The following FNBP1 variants were observed in gnomAD, a reference collection of about 807,000 sequenced individuals.
FNBP1 encodes the protein formin binding protein 1.
In FNBP1, 26 loss-of-function variants were observed where a neutral mutation model predicts 90.6. The ratio of observed to expected loss-of-function variants is 0.29; its 90% confidence interval spans 0.21 to 0.40. The LOEUF is 0.40. Ranked by LOEUF, FNBP1 falls within the 10% of genes least tolerant of loss-of-function variation. The probability of loss-of-function intolerance (pLI) is 1.00; values close to 1 mark genes in which losing one functional copy is unlikely to be tolerated. For missense variants in FNBP1, 635 were observed against 768.0 expected (o/e 0.83, Z 2.05); for synonymous variants, 260 against 265.2 (o/e 0.98, Z 0.19).
At chr9:130,008,236 C>A (rs935815711) in intron 1 of FNBP1, among the ~76,000 whole-genome samples, 2 of 151,696 alleles carry the variant, frequency 1.3e-5, no homozygotes, top group Admixed American at 6.6e-5. Flanking sequence ...GTGGGTCCCA[C>A]TACTTGGGAG....
At chr9:129,976,157 T>A (rs1416151673) in intron 4 of FNBP1, among the ~76,000 whole-genome samples, 1 of 152,168 alleles carries the variant, frequency 6.6e-6, no homozygotes, top group African/African-American at 2.4e-5. Flanking sequence ...GAAACTGTCA[T>A]CTAATTTAGG....
At chr9:129,986,716 G>C (rs1357892155) in intron 2 of FNBP1, among the ~76,000 whole-genome samples, 3 of 152,020 alleles carry the variant, frequency 2.0e-5, no homozygotes, top group Admixed American at 6.6e-5. Flanking sequence ...CTTGAACCTG[G>C]GAGGTGGAGC....
chr9:129,984,716 G>A (rs892501244), intron 2 of FNBP1, among the ~76,000 whole-genome samples: 1 of 151,896 alleles, frequency 6.6e-6, no homozygotes, highest in Admixed American at 6.6e-5. Context: ...GGACCCAGGG[G>A]GAAGTAATTG....
intron 11 of FNBP1, among the ~76,000 whole-genome samples, chr9:129,915,520 C>T (rs369121004): frequency 3.3e-5 from 5 of 152,050 alleles, no homozygotes; most frequent in African/African-American, 1.2e-4. Context: ...CACGCTGCCA[C>T]GCCCGGCTAA....
intron 4 of FNBP1, among the ~76,000 whole-genome samples, chr9:129,970,847 A>AG (rs2049337169): frequency 6.6e-6 from 1 of 152,112 alleles, no homozygotes; most frequent in Non-Finnish European, 1.5e-5. Context: ...AAGTTCTTGC[A>AG]GGGGAGAAAG....
At chr9:130,011,997 T>C (rs1434455410) in intron 1 of FNBP1, among the ~76,000 whole-genome samples, 1 of 152,198 alleles carries the variant, frequency 6.6e-6, no homozygotes, top group Non-Finnish European at 1.5e-5. Context: ...CACCAGATAC[T>C]GACTTATTCT....
At chr9:130,011,850 T>C (rs2056649798) in intron 1 of FNBP1, among the ~76,000 whole-genome samples, 2 of 152,208 alleles carry the variant, frequency 1.3e-5, no homozygotes, top group African/African-American at 4.8e-5. Flanking sequence ...CCCTAGATTA[T>C]CTACAGATTC....
chr9:130,051,228 T>G, the FNBP1 span, among the ~76,000 whole-genome samples: 5 of 151,812 alleles, frequency 3.3e-5, no homozygotes, highest in Non-Finnish European at 5.9e-5. Flanking sequence ...GTAGAGAAGG[T>G]GTTTCACCAT....
At chr9:129,941,060 G>A (rs1332479380) in intron 6 of FNBP1, among the ~76,000 whole-genome samples, 1 of 152,116 alleles carries the variant, frequency 6.6e-6, no homozygotes, top group Non-Finnish European at 1.5e-5. Context: ...ACAACTACAG[G>A]AGAAAGCAAA....
At chr9:129,923,111 C>T (rs1036219261) in intron 10 of FNBP1, among the ~76,000 whole-genome samples, 5 of 152,038 alleles carry the variant, frequency 3.3e-5, no homozygotes, top group African/African-American at 1.2e-4. Context: ...AATCCTCCTG[C>T]CTTGGCCTCC....
chr9:129,895,569 T>C, intron 16 of FNBP1: 1 of 1,233,886 alleles, frequency 8.1e-7, no homozygotes, highest in East Asian at 3.2e-5. Context: ...GTTTATCAGA[T>C]TTTGAATGAC....
At chr9:129,970,417 G>A (rs1008370859) in intron 4 of FNBP1, among the ~76,000 whole-genome samples, 8 of 151,762 alleles carry the variant, frequency 5.3e-5, no homozygotes, top group African/African-American at 1.9e-4. Flanking sequence ...TGTTGGCCAG[G>A]CTGGTCTCAA....
chr9:129,936,412 C>T (rs1266574014), intron 6 of FNBP1: 1 of 152,274 alleles, frequency 6.6e-6, no homozygotes, highest in Non-Finnish European at 1.5e-5. Context: ...GCAGATGGGC[C>T]TGGCGGCCAC....
intron 12 of FNBP1, among the ~76,000 whole-genome samples, chr9:129,907,095 T>TG (rs1199711491): frequency 6.6e-6 from 1 of 151,474 alleles, no homozygotes; most frequent in Non-Finnish European, 1.5e-5. Context: ...GTTTTTTTTT[T>TG]TTCTTTCCTT....
At chr9:130,027,963 G>A (rs768730701) in intron 1 of FNBP1, among the ~76,000 whole-genome samples, 1 of 151,922 alleles carries the variant, frequency 6.6e-6, no homozygotes, top group African/African-American at 2.4e-5. Flanking sequence ...GTGTTGCTCA[G>A]GGTAGTCTCA....
Position 129,908,925 on chromosome 9 carries a change from C to A in FNBP1, c.1260G>T (p.Glu420Asp). Residue 420 changes from glutamate (E) to aspartate (D), a missense_variant, in exon 12 of 17, where the codon GAG (glutamate) becomes GAT (aspartate). Physicochemically the swap from Glu to Asp is conservative, Grantham distance 45. Coordinates refer to ENST00000446176, the MANE Select transcript of FNBP1 (RefSeq NM_015033.3). ...RRKKLQQKVD[E>D]LNKEIQKEMD... ...TCTCCTTCTGAATTTCTTTATTTAA[C>A]TCATCGACTTTCTGCTGCAGCTTTT... 6.2e-7 allele frequency: 1 copy of A among 1,613,412 alleles called. No homozygotes were observed. The highest frequency in any genetic ancestry group is 8.5e-7 in the Non-Finnish European group (1 of 1,179,644).
chr9:129,905,281 T>TGC (rs1306083666), intron 12 of FNBP1, among the ~76,000 whole-genome samples: 1 of 90,400 alleles, frequency 1.1e-5, no homozygotes, highest in Admixed American at 1.5e-4. Context: ...GAATTGTGTG[T>TGC]GTGTGTGTGT....
chr9:129,979,491 G>T (rs1369053340), intron 2 of FNBP1, 117 bp from the exon 3 acceptor site: 1 of 687,426 alleles, frequency 1.5e-6, no homozygotes, highest in Non-Finnish European at 2.5e-6. Context: ...AAAGTCCACA[G>T]CTGAAATCCA....
intron 1 of FNBP1, among the ~76,000 whole-genome samples, chr9:130,033,819 A>G (rs1404862415): frequency 9.7e-5 from 13 of 134,506 alleles, no homozygotes; most frequent in Non-Finnish European, 1.7e-4. Flanking sequence ...AGTGACTAAC[A>G]TGGTAACCCC....
Sources: allele counts gnomAD v4.1 joint callset (sites outside exome capture counted in the v4.1 genomes callset), GRCh38; gene constraint gnomAD v4.1.1; transcripts MANE v1.5; gene names NCBI Gene and HGNC (gene_info 2026-07-23, HGNC 2026-07-21).